Variants in MRPL39 observed in about 807,000 individuals in gnomAD.
MRPL39 encodes the protein mitochondrial ribosomal protein L39, also known as large ribosomal subunit protein mL39.
In MRPL39, 35 loss-of-function variants were observed where a neutral mutation model predicts 44.5. That is an observed-to-expected ratio of 0.79 (90% confidence interval 0.60 to 1.04). The LOEUF (loss-of-function observed/expected upper bound fraction) is 1.04. MRPL39 is among the 50% of genes least tolerant of loss of function. The pLI, the probability that MRPL39 is intolerant of heterozygous loss-of-function variation, is 0.00. For missense variants in MRPL39, 433 were observed against 413.5 expected (o/e 1.05, Z -0.41); for synonymous variants, 139 against 136.1 (o/e 1.02, Z -0.15).
At chr21:25,601,639 G>C (rs982661723) in intron 3 of MRPL39, among the ~76,000 whole-genome samples, 172 bp from the exon 4 acceptor site, 1 of 152,004 alleles carries the variant, frequency 6.6e-6, no homozygotes, top group Non-Finnish European at 1.5e-5. Context: ...CCTCGACCAA[G>C]CAAAAATCAA....
intron 3 of MRPL39, among the ~76,000 whole-genome samples, chr21:25,602,733 G>C (rs1442866160): frequency 6.6e-6 from 1 of 152,212 alleles, no homozygotes; most frequent in Non-Finnish European, 1.5e-5. Context: ...CCACAAAGCA[G>C]ATGGCCTTTT....
rs1252428979 is a variant in MRPL39, at chr21:25,588,683, G to C, written c.969+152C>G. On this transcript the variant is annotated intron_variant, in intron 9 of 9. Coordinates refer to ENST00000352957, the MANE Select transcript of MRPL39 (RefSeq NM_017446.4). ...CAACTTTACCCTTACCAACACACTAGTGAACAATCACAACACTGCTTTGAC... is the reference window on the plus strand; with the variant it reads ...CAACTTTACCCTTACCAACACACTACTGAACAATCACAACACTGCTTTGAC... 7.7e-6 allele frequency: 5 copies of C among 651,470 alleles called. No homozygotes were observed. In the South Asian group the frequency reaches 1.0e-4, roughly 13 times the overall value. 40.4% of individuals were successfully genotyped at this position (651,470 alleles called of 1,614,324 possible).
intron 6 of MRPL39, among the ~76,000 whole-genome samples, chr21:25,594,859 C>T (rs889943059): frequency 2.6e-5 from 4 of 152,170 alleles, no homozygotes; most frequent in Non-Finnish European, 5.9e-5. Flanking sequence ...CCTCTTTCCC[C>T]GCCCAAACTT....
At chr21:25,589,272 A>T (rs931272643) in intron 8 of MRPL39, among the ~76,000 whole-genome samples, 1 of 152,224 alleles carries the variant, frequency 6.6e-6, no homozygotes, top group Non-Finnish European at 1.5e-5. Context: ...CAGTTTCAAC[A>T]TTCTAGAAGT....
intron 9 of MRPL39, among the ~76,000 whole-genome samples, chr21:25,587,384 C>T (rs536607579): frequency 6.6e-6 from 1 of 152,124 alleles, no homozygotes; most frequent in East Asian, 1.9e-4. Context: ...AATTTCTTCT[C>T]ATGAGAAAAA....
At chr21:25,606,727 T>C (rs1404257247) in intron 1 of MRPL39, 72 bp from the exon 2 acceptor site, 3 of 1,242,858 alleles carry the variant, frequency 2.4e-6, no homozygotes, top group African/African-American at 1.5e-5. Flanking sequence ...CGCTCAGAGG[T>C]AAAATTAAAC....
intron 1 of MRPL39, among the ~76,000 whole-genome samples, chr21:25,607,112 GACAGATGTGCACGGA>G (rs1228567040): frequency 1.3e-5 from 2 of 152,242 alleles, no homozygotes; most frequent in Non-Finnish European, 2.9e-5. Context: ...GGAAGACATG[GACAGATGTGCACGGA>G]ACGTGCGCTG....
At chr21:25,607,323 C>T in intron 1 of MRPL39, 80 bp downstream of exon 1, 2 of 1,523,912 alleles carry the variant, frequency 1.3e-6, no homozygotes, top group Middle Eastern at 1.7e-4. Flanking sequence ...CGGGACCTCC[C>T]CGGCCCCGCC....
At chr21:25,590,356 A>G (rs74517215) in intron 8 of MRPL39, among the ~76,000 whole-genome samples, 3,801 of 151,782 alleles carry the variant, frequency 0.025, 178 homozygotes, top group African/African-American at 0.087. Flanking sequence ...CATAAAATAT[A>G]CTAACGCTAA....
chr21:25,601,340 C>T, intron 4 of MRPL39, 28 bp downstream of exon 4: 1 of 1,234,358 alleles, frequency 8.1e-7, no homozygotes, highest in Non-Finnish European at 1.1e-6. Context: ...ATTTAAGGAT[C>T]ACAAAAAGAC....
intron 4 of MRPL39, 35 bp downstream of exon 4, chr21:25,601,333 T>G: frequency 7.2e-7 from 1 of 1,381,184 alleles, no homozygotes; most frequent in Non-Finnish European, 9.9e-7. Flanking sequence ...CCAAAATATT[T>G]AAGGATCACA....
intron 2 of MRPL39, among the ~76,000 whole-genome samples, chr21:25,606,143 T>A (rs954784133): frequency 1.3e-5 from 2 of 152,128 alleles, no homozygotes; most frequent in Admixed American, 6.5e-5. Context: ...TCTGGCTAAT[T>A]TATTTCTATT....
At chr21:25,600,002 C>A in intron 4 of MRPL39, 136 bp from the exon 5 acceptor site, 1 of 657,422 alleles carries the variant, frequency 1.5e-6, no homozygotes. Context: ...AAATGGTTGC[C>A]ATTCTTCCAG....
At position 25,607,453 on chromosome 21, in the gene MRPL39, G is replaced by A. The variant is rs1193511007; in HGVS notation, c.23C>T (p.Ser8Phe). MEALAMGSRALRLWLVAP... is the reference protein window; with the variant it reads MEALAMGFRALRLWLVAP... ...GACCAGCCAGAGCCGCAGCGCCCGGGAACCCATGGCCAGCGCCTCCATAGC... is the reference window on the plus strand; with the variant it reads ...GACCAGCCAGAGCCGCAGCGCCCGGAAACCCATGGCCAGCGCCTCCATAGC... Residue 8 changes from serine (S) to phenylalanine (F), a missense_variant, in exon 1 of 10, where the codon TCC becomes TTC. By Grantham distance (155) the Ser-to-Phe change is radical. Transcript: ENST00000352957. The A allele has an allele frequency of 1.2e-6, 2 of 1,612,830 alleles. No individual in the cohort carries two copies. The highest frequency in any genetic ancestry group is 2.2e-5 in the East Asian group (1 of 44,866).
chr21:25,586,704 A>G (rs2031009220), intron 9 of MRPL39, among the ~76,000 whole-genome samples: 1 of 152,186 alleles, frequency 6.6e-6, no homozygotes, highest in Non-Finnish European at 1.5e-5. Flanking sequence ...CTATGTAGGC[A>G]AGTGACTTCC....
chr21:25,607,465 A>G lies in MRPL39; in HGVS notation c.11T>C (p.Leu4Pro), dbSNP rs979580626. Residue 4 changes from leucine to proline, a missense_variant, in exon 1 of 10, where the codon CTG (leucine) becomes CCG (proline). Leu to Pro is a moderately conservative substitution (Grantham distance 98, BLOSUM62 -3). Coordinates refer to ENST00000352957, the MANE Select transcript of MRPL39 (RefSeq NM_017446.4). ...CCGCAGCGCCCGGGAACCCATGGCC[A>G]GCGCCTCCATAGCAGCGGTGAGAAC... MEA[L>P]AMGSRALRLW... 6.2e-7 allele frequency: 1 copy of G among 1,612,248 alleles called. No homozygotes were observed. The highest frequency in any genetic ancestry group is 1.3e-5 in the African/African-American group (1 of 75,010).
chr21:25,603,945 T>A lies in MRPL39; in HGVS notation c.281-10A>T, dbSNP rs1481085850. On this transcript the variant is annotated splice_polypyrimidine_tract_variant and intron_variant, in intron 2 of 9. Coordinates refer to ENST00000352957, the MANE Select transcript of MRPL39 (RefSeq NM_017446.4). Reference sequence around the variant, plus strand: ...TACCACTCGCTTAAATCTAGAAATTTAAAACAGACTGATTATCTAACAAAA... The same window carrying A: ...TACCACTCGCTTAAATCTAGAAATTAAAAACAGACTGATTATCTAACAAAA... 6.2e-7 allele frequency: 1 copy of A among 1,600,082 alleles called. No homozygotes were observed. Among genetic ancestry groups the A allele is most frequent in the Non-Finnish European group, 8.5e-7 (1 of 1,175,624 alleles).
chr21:25,587,727 C>CG (rs766806950), intron 9 of MRPL39: 2 of 1,611,480 alleles, frequency 1.2e-6, no homozygotes, highest in Non-Finnish European at 1.7e-6. Context: ...GGAGGAGGTA[C>CG]GACTCAGGCG....
chr21:25,602,064 T>C (rs2829833), intron 3 of MRPL39, among the ~76,000 whole-genome samples: 95,160 of 152,110 alleles, frequency 0.63, 31,517 homozygotes, highest in Non-Finnish European at 0.75. Flanking sequence ...ACCTGTCCAT[T>C]GTGTTCCCCT....
Sources: gnomAD v4.1 joint callset for allele counts (sites outside exome capture counted in the v4.1 genomes callset) on GRCh38, gnomAD v4.1.1 for gene constraint, MANE v1.5 for transcripts, NCBI Gene and HGNC (gene_info 2026-07-23, HGNC 2026-07-21) for gene names.